The following LRBA variants were observed in gnomAD, a reference collection of about 807,000 sequenced individuals.
LRBA encodes LPS responsive beige-like anchor protein, also known as lipopolysaccharide-responsive and beige-like anchor protein.
Under a neutral mutation model 330.0 loss-of-function variants are expected in LRBA, and 176 were observed. The observed-to-expected ratio is 0.53, with a 90% CI of 0.47 to 0.60. The LOEUF (loss-of-function observed/expected upper bound fraction) is 0.60, where lower values mean the gene tolerates loss of function less well. Ranked by LOEUF, LRBA falls within the 20% of genes least tolerant of loss-of-function variation. The pLI is 0.00. For synonymous variants in LRBA, 1,230 were observed against 1,193.0 expected (o/e 1.03, Z -0.64); for missense variants, 3,259 against 3,444.8 (o/e 0.95, Z 1.35).
chr4:150,313,200 G>A (rs894001439), intron 51 of LRBA, among the ~76,000 whole-genome samples: 1 of 151,928 alleles, frequency 6.6e-6, no homozygotes, highest in South Asian at 2.1e-4. Flanking sequence ...ATAAATTCAA[G>A]ATAAAAAAGT....
chr4:150,894,467 T>A (rs1246256539), intron 16 of LRBA, among the ~76,000 whole-genome samples: 1 of 152,162 alleles, frequency 6.6e-6, no homozygotes, highest in African/African-American at 2.4e-5. Flanking sequence ...CCAAAAAAAC[T>A]TCATGAAAAT....
At chr4:150,410,112 T>A (rs1746759498) in intron 47 of LRBA, among the ~76,000 whole-genome samples, 1 of 152,126 alleles carries the variant, frequency 6.6e-6, no homozygotes, top group East Asian at 1.9e-4. Context: ...TTTTAAATGT[T>A]GTCTGGTCAG....
intron 2 of LRBA, among the ~76,000 whole-genome samples, chr4:150,934,322 G>A (rs932153886): frequency 6.6e-6 from 1 of 152,116 alleles, no homozygotes; most frequent in Non-Finnish European, 1.5e-5. Context: ...GAGGCACATT[G>A]GCTAGCTATT....
chr4:150,359,357 C>T (rs1194041864), intron 47 of LRBA, among the ~76,000 whole-genome samples: 1 of 152,144 alleles, frequency 6.6e-6, no homozygotes, highest in Non-Finnish European at 1.5e-5. Context: ...TCTAAGACTA[C>T]TTTCATAGTC....
At chr4:150,992,749 A>T (rs1274174809) in intron 2 of LRBA, among the ~76,000 whole-genome samples, 2 of 152,250 alleles carry the variant, frequency 1.3e-5, no homozygotes, top group Non-Finnish European at 2.9e-5. Flanking sequence ...GATGAGAAAC[A>T]TAAAAGGAAA....
chr4:150,446,528 T>C (rs1752638881), intron 44 of LRBA, among the ~76,000 whole-genome samples: 2 of 152,214 alleles, frequency 1.3e-5, no homozygotes, highest in African/African-American at 4.8e-5. Flanking sequence ...GGCAGTTACA[T>C]TGCAGTTGTA....
chr4:150,840,039 C>T (rs1748824930), intron 28 of LRBA, among the ~76,000 whole-genome samples: 2 of 152,160 alleles, frequency 1.3e-5, no homozygotes, highest in Admixed American at 1.3e-4. Context: ...ATGAACCAAC[C>T]TCTGGTAGCT....
At chr4:150,805,416 GGGAAA>G (rs143391822) in intron 33 of LRBA, among the ~76,000 whole-genome samples, 6,674 of 95,938 alleles carry the variant, frequency 0.07, 610 homozygotes, top group African/African-American at 0.17. Flanking sequence ...AGGAAAGGAA[GGGAAA>G]GGAAAGGAAA....
At chr4:150,528,501 A>C (rs914891116) in intron 40 of LRBA, among the ~76,000 whole-genome samples, 4 of 25,676 alleles carry the variant, frequency 1.6e-4, no homozygotes, top group Non-Finnish European at 1.3e-3. Flanking sequence ...ACTTCATCTC[A>C]AAAAAAAAAA....
At chr4:150,984,802 A>G (rs1275602629) in intron 2 of LRBA, among the ~76,000 whole-genome samples, 1 of 152,234 alleles carries the variant, frequency 6.6e-6, no homozygotes, top group Non-Finnish European at 1.5e-5. Flanking sequence ...GGAAGGAGAA[A>G]GGCTGAGGTA....
chr4:150,401,751 T>C (rs1334806181), intron 47 of LRBA, among the ~76,000 whole-genome samples: 2 of 152,080 alleles, frequency 1.3e-5, no homozygotes, highest in South Asian at 2.1e-4. Flanking sequence ...CATAAGAAAA[T>C]ATCCCTATTC....
chr4:150,561,015 A>G (rs886764411), intron 40 of LRBA, among the ~76,000 whole-genome samples: 1 of 152,170 alleles, frequency 6.6e-6, no homozygotes, highest in African/African-American at 2.4e-5. Flanking sequence ...CTATCAGTAA[A>G]TGCTAGCTGA....
At chr4:150,803,073 A>AT (rs1553964864) in intron 33 of LRBA, among the ~76,000 whole-genome samples, 213 of 33,676 alleles carry the variant, frequency 6.3e-3, no homozygotes, top group Middle Eastern at 0.026. Context: ...AAACAAAAAA[A>AT]AAATATATAT....
At chr4:150,421,966 C>T (rs922554084) in intron 46 of LRBA, among the ~76,000 whole-genome samples, 1 of 152,176 alleles carries the variant, frequency 6.6e-6, no homozygotes, top group Non-Finnish European at 1.5e-5. Flanking sequence ...AAAAACAAAA[C>T]ACAGGAGCTG....
intron 22 of LRBA, among the ~76,000 whole-genome samples, chr4:150,867,081 T>C (rs1252048208): frequency 6.8e-6 from 1 of 146,922 alleles, no homozygotes; most frequent in African/African-American, 2.5e-5. Context: ...TTAAGCTATA[T>C]ATAAATAACT....
intron 37 of LRBA, among the ~76,000 whole-genome samples, chr4:150,625,196 C>T (rs1293125850): frequency 6.6e-6 from 1 of 152,012 alleles, no homozygotes; most frequent in Non-Finnish European, 1.5e-5. Flanking sequence ...TCGAAATCTC[C>T]AGAAGAGGTT....
intron 47 of LRBA, among the ~76,000 whole-genome samples, chr4:150,366,234 A>T (rs954388065): frequency 1.8e-4 from 27 of 152,218 alleles, no homozygotes; most frequent in Admixed American, 1.7e-3. Context: ...AAGACATATT[A>T]GAATACTATA....
intron 37 of LRBA, among the ~76,000 whole-genome samples, chr4:150,659,236 G>A (rs376544359): frequency 2.8e-5 from 2 of 71,728 alleles, no homozygotes; most frequent in African/African-American, 4.7e-5. Context: ...AGTGAGGAGC[G>A]TCTCCGCCCG....
At chr4:150,768,927 CTTTTTTTTTTTTTT>C (rs70941440) in intron 34 of LRBA, among the ~76,000 whole-genome samples, 2 of 75,026 alleles carry the variant, frequency 2.7e-5, no homozygotes, top group African/African-American at 1.0e-4. Flanking sequence ...GTGCTGTCTC[CTTTTTTTTTTTTTT>C]TTTTTTTTTT....
Sources: gnomAD v4.1 joint callset for allele counts (sites outside exome capture counted in the v4.1 genomes callset) on GRCh38, gnomAD v4.1.1 for gene constraint, MANE v1.5 for transcripts, NCBI Gene and HGNC (gene_info 2026-07-23, HGNC 2026-07-21) for gene names.